SHISA9: variants seen among roughly 807,000 people sequenced by gnomAD.
SHISA9 encodes the protein protein shisa-9.
Under a neutral mutation model 38.0 loss-of-function variants are expected in SHISA9, and 13 were observed. The ratio of observed to expected loss-of-function variants is 0.34; its 90% CI spans 0.22 to 0.54. SHISA9 has a LOEUF of 0.54. Ranked by LOEUF, SHISA9 falls within the 20% of genes least tolerant of loss-of-function variation. The probability of loss-of-function intolerance (pLI) is 0.91; values close to 1 mark genes in which losing one functional copy is unlikely to be tolerated. For missense variants in SHISA9, 538 were observed against 575.8 expected, an observed-to-expected ratio of 0.93 and a Z score of 0.67; for synonymous variants, 275 against 242.0, an observed-to-expected ratio of 1.14 and a Z score of -1.27.
the SHISA9 span, among the ~76,000 whole-genome samples, chr16:13,375,843 C>T: frequency 6.6e-6 from 1 of 152,242 alleles, no homozygotes; most frequent in Non-Finnish European, 1.5e-5. Flanking sequence ...GCAACACTCT[C>T]CAAATAGATC....
In SHISA9 at chr16:13,238,209, A is replaced by T. The variant is rs2051403841; in HGVS notation, c.*2800A>T. 1 of 152,198 alleles carries T rather than the reference A, an allele frequency of 6.6e-6. No homozygotes were observed. The highest frequency in any genetic ancestry group is 6.5e-5 in the Admixed American group (1 of 15,276). The allele number at this position is 152,198 out of a possible 1,614,324, so 9.4% of individuals were successfully genotyped here. A position where few individuals can be genotyped will look rare whatever the true frequency, so the allele number is the denominator to read the frequency against. On this transcript the variant is annotated 3_prime_UTR_variant, in exon 5 of 5. Coordinates refer to ENST00000558583, the MANE Select transcript of SHISA9 (RefSeq NM_001145204.3). ...TGTTAAAAATACCAGCACCCAATGA[A>T]GACTTTCTCTTTGTACTAATAAGAT...
chr16:13,248,867 T>C, the SHISA9 span, among the ~76,000 whole-genome samples: 1 of 152,144 alleles, frequency 6.6e-6, no homozygotes, highest in South Asian at 2.1e-4. Context: ...AAAACAAGGA[T>C]CTACTTTTAG....
At chr16:13,265,690 C>A in the SHISA9 span, among the ~76,000 whole-genome samples, 18 of 151,444 alleles carry the variant, frequency 1.2e-4, no homozygotes, top group Admixed American at 1.1e-3. Flanking sequence ...TGCATACAAT[C>A]ATCAAACCAT....
the SHISA9 span, among the ~76,000 whole-genome samples, chr16:13,469,418 AAAGAAAAAGAAAGAAAG>A: frequency 5.4e-4 from 61 of 113,206 alleles, no homozygotes; most frequent in African/African-American, 1.9e-3. Flanking sequence ...AGAAAGAAAG[AAAGAAAAAGAAAGAAAG>A]AGAAAGAAAG....
chr16:12,973,903 C>G (rs796880728), intron 2 of SHISA9, among the ~76,000 whole-genome samples: 5 of 152,112 alleles, frequency 3.3e-5, no homozygotes, highest in Admixed American at 3.3e-4. Flanking sequence ...GGATTAGTAA[C>G]GTATTCTTCA....
chr16:13,181,267 T>TTATATATATATATA (rs1156705123), intron 2 of SHISA9, among the ~76,000 whole-genome samples: 2 of 80,100 alleles, frequency 2.5e-5, no homozygotes, highest in Admixed American at 1.5e-4. Context: ...AAATAAAATT[T>TTATATATATATATA]TATATATATA....
At chr16:13,269,487 A>G in the SHISA9 span, among the ~76,000 whole-genome samples, 3 of 152,168 alleles carry the variant, frequency 2.0e-5, no homozygotes, top group South Asian at 2.1e-4. Flanking sequence ...ACTGCCATCT[A>G]TCTTCCCCTC....
intron 2 of SHISA9, among the ~76,000 whole-genome samples, chr16:13,037,766 T>G (rs913269947): frequency 3.3e-5 from 5 of 152,174 alleles, no homozygotes; most frequent in African/African-American, 1.2e-4. Flanking sequence ...GACATGTATA[T>G]CTGATTCATT....
chr16:13,076,675 G>C (rs1381591664), intron 2 of SHISA9, among the ~76,000 whole-genome samples: 1 of 152,146 alleles, frequency 6.6e-6, no homozygotes, highest in Non-Finnish European at 1.5e-5. Context: ...TACCTCCAAG[G>C]CATGCTGGAA....
chr16:13,317,713 T>G, the SHISA9 span, among the ~76,000 whole-genome samples: 1 of 152,158 alleles, frequency 6.6e-6, no homozygotes, highest in African/African-American at 2.4e-5. Flanking sequence ...CTTCACACCA[T>G]GTACACAGCA....
At chr16:13,256,078 C>A in the SHISA9 span, among the ~76,000 whole-genome samples, 2 of 152,134 alleles carry the variant, frequency 1.3e-5, no homozygotes, top group Non-Finnish European at 2.9e-5. Context: ...GAAGTTCCCC[C>A]ATACATTCAC....
chr16:13,052,508 G>C (rs1429628492), intron 2 of SHISA9, among the ~76,000 whole-genome samples: 1 of 152,172 alleles, frequency 6.6e-6, no homozygotes, highest in Non-Finnish European at 1.5e-5. Context: ...AATCAACCAT[G>C]AATCTCAAAA....
chr16:13,205,748 T>C lies in SHISA9; in HGVS notation c.847+2199T>C, dbSNP rs549587017. Reference sequence around the variant, plus strand: ...CATCTTAGAGCATGCTCAGATATCATAGGAAGGTCTTCTTCTTCTTTTTTC... The same window carrying C: ...CATCTTAGAGCATGCTCAGATATCACAGGAAGGTCTTCTTCTTCTTTTTTC... On this transcript the variant is annotated intron_variant, in intron 3 of 4. Transcript: ENST00000558583. 2.8e-4 allele frequency among the ~76,000 whole-genome samples: 42 copies of C among 152,218 alleles called. No individual in the cohort carries two copies. In the South Asian group the frequency reaches 5.6e-3, roughly 20 times the overall value.
chr16:13,196,214 G>A (rs1462689362), intron 2 of SHISA9, among the ~76,000 whole-genome samples: 2 of 150,048 alleles, frequency 1.3e-5, no homozygotes, highest in East Asian at 3.9e-4. Flanking sequence ...TGGCTAAGAC[G>A]GTGAAACCCC....
intron 3 of SHISA9, among the ~76,000 whole-genome samples, chr16:13,203,811 C>G (rs2051031685): frequency 1.3e-5 from 2 of 152,042 alleles, no homozygotes; most frequent in African/African-American, 4.8e-5. Context: ...CATCCATCCA[C>G]CTATTCACTT....
the SHISA9 span, among the ~76,000 whole-genome samples, chr16:13,444,617 T>C: frequency 1.3e-5 from 2 of 152,120 alleles, no homozygotes; most frequent in Non-Finnish European, 2.9e-5. Flanking sequence ...ACCAAACTGT[T>C]TGTAGAGAGC....
the SHISA9 span, among the ~76,000 whole-genome samples, chr16:13,312,719 G>A: frequency 6.6e-6 from 1 of 152,026 alleles, no homozygotes; most frequent in Non-Finnish European, 1.5e-5. Context: ...GGTAAATTCT[G>A]GTACAATCAT....
At position 13,224,616 on chromosome 16, in the gene SHISA9, G is replaced by C. The variant is rs547423970; in HGVS notation, c.896-10414G>C. Among the ~76,000 whole-genome samples, 52 of 152,316 alleles carry C rather than the reference G, an allele frequency of 3.4e-4. No individual in the cohort carries two copies. The South Asian group carries it at 0.01, about 30-fold the overall frequency. ...TGAGGATACAGCAGTGAGCAGAACA[G>C]ACACAACCTCTGCCCTAAGTGGAGC... On this transcript the variant is annotated intron_variant, in intron 4 of 4. Coordinates refer to ENST00000558583, the MANE Select transcript of SHISA9 (RefSeq NM_001145204.3).
At position 13,007,083 on chromosome 16, in the gene SHISA9, C is replaced by G. The variant is rs187147780; in HGVS notation, c.691+90268C>G. On this transcript the variant is annotated intron_variant, in intron 2 of 4. Transcript: ENST00000558583. ...ATATCTATGGATTCTATTCATGTGC[C>G]AGTGTATTCTAGATACTAGAGATAA... is the stretch of plus-strand genomic sequence containing the variant. Among the ~76,000 whole-genome samples the G allele has an allele frequency of 3.4e-3, 516 of 152,236 alleles. 1 individual carries two copies. The highest frequency in any genetic ancestry group is 0.012 in the African/African-American group (502 of 41,526).
Sources: allele counts gnomAD v4.1 joint callset (sites outside exome capture counted in the v4.1 genomes callset), GRCh38; gene constraint gnomAD v4.1.1; transcripts MANE v1.5; gene names NCBI Gene and HGNC (gene_info 2026-07-23, HGNC 2026-07-21).